The following MIPEP variants were observed in gnomAD, a reference collection of about 807,000 sequenced individuals.
The protein encoded by MIPEP is mitochondrial intermediate peptidase.
Under a neutral mutation model 90.3 loss-of-function variants are expected in MIPEP, and 79 were observed. The ratio of observed to expected loss-of-function variants is 0.87; its 90% CI spans 0.73 to 1.05. The LOEUF is 1.05. MIPEP is among the 50% of genes least tolerant of loss of function. The pLI, the probability that MIPEP is intolerant of heterozygous loss-of-function variation, is 0.00. For missense variants in MIPEP, 940 were observed against 905.6 expected (o/e 1.04, Z -0.49); for synonymous variants, 334 against 315.8 (o/e 1.06, Z -0.61).
intron 16 of MIPEP, among the ~76,000 whole-genome samples, chr13:23,801,616 T>C (rs1411749035): frequency 6.6e-6 from 1 of 152,238 alleles, no homozygotes; most frequent in African/African-American, 2.4e-5. Context: ...CTTTTCTTTA[T>C]AGTCTAATCA....
chr13:23,739,611 T>C (rs1352730112), intron 18 of MIPEP, among the ~76,000 whole-genome samples: 3 of 152,142 alleles, frequency 2.0e-5, no homozygotes, highest in Non-Finnish European at 4.4e-5. Flanking sequence ...TCTGCCAAAG[T>C]GGGCGATTTT....
intron 14 of MIPEP, among the ~76,000 whole-genome samples, chr13:23,815,313 C>A (rs972861502): frequency 2.4e-5 from 2 of 83,570 alleles, no homozygotes; most frequent in African/African-American, 4.9e-5. Flanking sequence ...TCCATAGTTT[C>A]CTGATTTTTT....
chr13:23,808,333 T>G (rs988640154), intron 15 of MIPEP, among the ~76,000 whole-genome samples: 1 of 152,132 alleles, frequency 6.6e-6, no homozygotes, highest in Non-Finnish European at 1.5e-5. Context: ...TCTCCTGATC[T>G]CGTGATCCGC....
chr13:23,755,044 T>C (rs1452052569), intron 18 of MIPEP, among the ~76,000 whole-genome samples: 7 of 152,194 alleles, frequency 4.6e-5, no homozygotes, highest in Admixed American at 4.6e-4. Flanking sequence ...AAAACGGGGA[T>C]CATAACTCCT....
At chr13:23,876,563 G>A in intron 4 of MIPEP, among the ~76,000 whole-genome samples, 1 of 151,636 alleles carries the variant, frequency 6.6e-6, no homozygotes, top group Non-Finnish European at 1.5e-5. Flanking sequence ...TTCACAAACA[G>A]AATCTTTTGC....
chr13:23,876,374 G>A (rs543865435), intron 4 of MIPEP, among the ~76,000 whole-genome samples: 8 of 152,102 alleles, frequency 5.3e-5, no homozygotes, highest in East Asian at 3.9e-4. Context: ...TTTTATTTCC[G>A]TTTTACAAAG....
chr13:23,791,226 G>C (rs1203231725), intron 16 of MIPEP, among the ~76,000 whole-genome samples: 2 of 152,132 alleles, frequency 1.3e-5, no homozygotes, highest in Non-Finnish European at 2.9e-5. Context: ...CAAAACCACA[G>C]CCCTGGTGAA....
chr13:23,765,192 C>T (rs1037121303), intron 16 of MIPEP, among the ~76,000 whole-genome samples: 5 of 152,030 alleles, frequency 3.3e-5, no homozygotes, highest in Non-Finnish European at 7.4e-5. Flanking sequence ...TATCCATGCT[C>T]GGGGGGTGGG....
At chr13:23,840,983 T>C (rs1869269964) in intron 11 of MIPEP, among the ~76,000 whole-genome samples, 1 of 152,094 alleles carries the variant, frequency 6.6e-6, no homozygotes, top group Non-Finnish European at 1.5e-5. Context: ...AGGTCACTTA[T>C]CCAATGGATT....
intron 14 of MIPEP, among the ~76,000 whole-genome samples, chr13:23,822,892 CT>C (rs988195593): frequency 3.5e-4 from 51 of 144,140 alleles, no homozygotes; most frequent in Admixed American, 2.8e-4. Flanking sequence ...CTGGGCGCTT[CT>C]TTTTTTTTTT....
At chr13:23,841,517 A>T (rs1322716797) in intron 10 of MIPEP, 29 bp from the exon 11 acceptor site, 1 of 1,562,180 alleles carries the variant, frequency 6.4e-7, no homozygotes, top group Non-Finnish European at 8.6e-7. Context: ...GTTCAACAGC[A>T]TCTTTGTTTA....
chr13:23,809,538 T>C (rs1320741806), intron 15 of MIPEP, among the ~76,000 whole-genome samples: 5 of 152,176 alleles, frequency 3.3e-5, no homozygotes, highest in Non-Finnish European at 7.4e-5. Context: ...AGAGATGGGG[T>C]TTCACCGTGT....
intron 1 of MIPEP, among the ~76,000 whole-genome samples, chr13:23,887,281 C>A (rs1871536193): frequency 6.6e-6 from 1 of 152,192 alleles, no homozygotes; most frequent in South Asian, 2.1e-4. Context: ...CACTTGTTAG[C>A]ACACTCAGGA....
intron 16 of MIPEP, among the ~76,000 whole-genome samples, chr13:23,778,713 C>CAACAATAAT: frequency 6.6e-6 from 1 of 150,898 alleles, no homozygotes; most frequent in East Asian, 1.9e-4. Context: ...ATTATACTGA[C>CAACAATAAT]AATAATAATA....
chr13:23,871,535 A>G (rs1870809183), intron 5 of MIPEP, among the ~76,000 whole-genome samples: 1 of 152,226 alleles, frequency 6.6e-6, no homozygotes, highest in Admixed American at 6.5e-5. Flanking sequence ...TTCAGGTGAA[A>G]GTGTACACAA....
intron 18 of MIPEP, among the ~76,000 whole-genome samples, chr13:23,751,191 T>A (rs1447813327): frequency 6.6e-6 from 1 of 152,250 alleles, no homozygotes; most frequent in Non-Finnish European, 1.5e-5. Context: ...CTTTGGAGTA[T>A]AAACCATAAT....
chr13:23,831,682 TCCATTCCAGAGAGAAC>T (rs1321002723), intron 14 of MIPEP, among the ~76,000 whole-genome samples: 2 of 152,146 alleles, frequency 1.3e-5, no homozygotes, highest in East Asian at 3.9e-4. Context: ...TGAGAACTAA[TCCATTCCAGAGAGAAC>T]CCAGCCTCCA....
intron 15 of MIPEP, 23 bp from the exon 16 acceptor site, chr13:23,806,092 T>C: frequency 1.2e-6 from 2 of 1,613,062 alleles, no homozygotes; most frequent in East Asian, 2.2e-5. Context: ...AAACATCTAC[T>C]TAGTTTTGGT....
At chr13:23,761,793 TC>T (rs1445496615) in intron 16 of MIPEP, among the ~76,000 whole-genome samples, 13 of 152,240 alleles carry the variant, frequency 8.5e-5, no homozygotes, top group Non-Finnish European at 1.6e-4. Context: ...TCATCCACTT[TC>T]TTCTGTCTTT....
Sources: gnomAD v4.1 joint callset for allele counts (sites outside exome capture counted in the v4.1 genomes callset) on GRCh38, gnomAD v4.1.1 for gene constraint, MANE v1.5 for transcripts, NCBI Gene and HGNC (gene_info 2026-07-23, HGNC 2026-07-21) for gene names.